The following CAB39 variants were observed in gnomAD, a reference collection of about 807,000 sequenced individuals.
CAB39 encodes the protein calcium-binding protein 39.
CAB39 carries 8 observed loss-of-function variants against 40.0 expected under a neutral mutation model. The ratio of observed to expected loss-of-function variants is 0.20; its 90% CI spans 0.12 to 0.36. The LOEUF (loss-of-function observed/expected upper bound fraction) is 0.36, where lower values mean the gene tolerates loss of function less well. CAB39 is among the 10% of genes least tolerant of loss of function. The pLI is 1.00. For missense variants in CAB39, 270 were observed against 401.1 expected (o/e 0.67, Z 2.79); for synonymous variants, 156 against 141.6 (o/e 1.10, Z -0.72).
intron 1 of CAB39, among the ~76,000 whole-genome samples, chr2:230,736,938 AG>A (rs1182653434): frequency 1.3e-4 from 20 of 152,144 alleles, no homozygotes; most frequent in Non-Finnish European, 1.3e-4. Context: ...AGTACCAGAG[AG>A]GTCCAAGGTT....
Position 230,814,178 on chromosome 2 carries a change from G to A in CAB39, c.693+64G>A, listed in dbSNP as rs533495467. 44 of 827,638 alleles carry A rather than the reference G, an allele frequency of 5.3e-5. No individual in the cohort carries two copies. In the African/African-American group the frequency reaches 7.6e-4, roughly 14 times the overall value. 51.3% of individuals were successfully genotyped at this position (827,638 alleles called of 1,614,324 possible). Reference sequence around the variant, plus strand: ...CTTGTGTTTGAAATGTGGATTTGGGGAAAGGGAGATGTGCAGGATGGGTCA... The same window carrying A: ...CTTGTGTTTGAAATGTGGATTTGGGAAAAGGGAGATGTGCAGGATGGGTCA... On this transcript the variant is annotated intron_variant, in intron 7 of 8. Transcript: ENST00000258418.
intron 3 of CAB39, among the ~76,000 whole-genome samples, chr2:230,791,471 C>G (rs1487239726): frequency 6.6e-6 from 1 of 152,182 alleles, no homozygotes; most frequent in Non-Finnish European, 1.5e-5. Context: ...CCTGTTAATT[C>G]ATTACAACCA....
chr2:230,798,679 T>C, intron 4 of CAB39, 50 bp from the exon 5 acceptor site: 2 of 1,520,252 alleles, frequency 1.3e-6, no homozygotes, highest in Non-Finnish European at 1.8e-6. Flanking sequence ...GTTGGAGTTT[T>C]GAAAAAGCAA....
At position 230,782,809 on chromosome 2, in the gene CAB39, C is replaced by CTTTTTTTTTTTTTTTTTTTTTTT. The variant is rs1408052300; in HGVS notation, c.115-8060_115-8059insTTTTTTTTTTTTTTTTTTTTTTT. 5.1e-4 allele frequency among the ~76,000 whole-genome samples: 57 copies of CTTTTTTTTTTTTTTTTTTTTTTT among 112,418 alleles called. 4 individuals carry two copies. The highest frequency in any genetic ancestry group is 1.7e-3 in the African/African-American group (35 of 21,042). 73.8% of individuals were successfully genotyped at this position (112,418 alleles called of 152,430 possible). A position where few individuals can be genotyped will look rare whatever the true frequency, so the allele number is the denominator to read the frequency against. ...CTGCTGTTTCTTTCTTTCTTTCTTT[C>CTTTTTTTTTTTTTTTTTTTTTTT]TTTCTTTTTTTTTTTTTTTTTTTGA... On this transcript the variant is annotated intron_variant, in intron 2 of 8. Coordinates refer to ENST00000258418, the MANE Select transcript of CAB39 (RefSeq NM_016289.4).
At chr2:230,791,076 G>C (rs1276528646) in intron 3 of CAB39, 40 bp downstream of exon 3, 2 of 1,411,282 alleles carry the variant, frequency 1.4e-6, no homozygotes, top group Non-Finnish European at 1.9e-6. Context: ...ACAGTACCCT[G>C]TGCATAATTC....
At chr2:230,748,411 A>G (rs1307231940) in intron 1 of CAB39, among the ~76,000 whole-genome samples, 1 of 152,278 alleles carries the variant, frequency 6.6e-6, no homozygotes, top group South Asian at 2.1e-4. Context: ...AGTGTTGTCC[A>G]TGTAGTTAGC....
chr2:230,813,976 G>GTC (rs1340459921), intron 6 of CAB39, 73 bp from the exon 7 acceptor site: 2 of 262,074 alleles, frequency 7.6e-6, no homozygotes, highest in Non-Finnish European at 1.2e-5. Flanking sequence ...TTACCTACCA[G>GTC]TCTTTTTTTT....
At chr2:230,759,875 G>C in intron 1 of CAB39, 84 bp from the exon 2 acceptor site, 1 of 543,246 alleles carries the variant, frequency 1.8e-6, no homozygotes, top group Non-Finnish European at 3.4e-6. Flanking sequence ...CTAAACACGG[G>C]TTTTCTTCCC....
intron 1 of CAB39, chr2:230,752,042 C>CCA (rs1553669860): frequency 9.9e-6 from 1 of 101,130 alleles, no homozygotes; most frequent in East Asian, 3.3e-4. Context: ...CCCCCCCCCC[C>CCA]CACATACACA....
At chr2:230,797,073 T>G (rs1400671499) in intron 4 of CAB39, among the ~76,000 whole-genome samples, 2 of 152,232 alleles carry the variant, frequency 1.3e-5, no homozygotes, top group Admixed American at 6.5e-5. Flanking sequence ...GATACACTTG[T>G]GTGTTGGGTA....
Position 230,786,088 on chromosome 2 carries a change from C to T in CAB39, c.115-4784C>T, listed in dbSNP as rs1411640432. Among the ~76,000 whole-genome samples, 10 of 145,188 alleles carry T rather than the reference C, an allele frequency of 6.9e-5. No homozygotes were observed. In the East Asian group the frequency reaches 1.3e-3, roughly 18 times the overall value. On this transcript the variant is annotated intron_variant, in intron 2 of 8. Transcript: ENST00000258418. The stretch of plus-strand genomic sequence containing the variant: ...CTGAGGCAGGAGAATGGCATGAACC[C>T]GGGAGGTGGAACTTGCAGTGAGCCA...
At chr2:230,757,718 A>T (rs893392779) in intron 1 of CAB39, among the ~76,000 whole-genome samples, 1 of 152,114 alleles carries the variant, frequency 6.6e-6, no homozygotes, top group African/African-American at 2.4e-5. Flanking sequence ...CACTGCTATT[A>T]TTTGCAGAGT....
intron 1 of CAB39, among the ~76,000 whole-genome samples, chr2:230,731,151 T>C (rs1022628797): frequency 6.6e-6 from 1 of 152,214 alleles, no homozygotes; most frequent in African/African-American, 2.4e-5. Flanking sequence ...GCTAAAACAC[T>C]GGCCAAGTGA....
At chr2:230,745,126 C>CA (rs1290758480) in intron 1 of CAB39, among the ~76,000 whole-genome samples, 1 of 152,182 alleles carries the variant, frequency 6.6e-6, no homozygotes, top group African/African-American at 2.4e-5. Flanking sequence ...ATTAAGTACT[C>CA]ATTGTTTAAT....
At chr2:230,767,507 A>G (rs1428118166) in intron 2 of CAB39, among the ~76,000 whole-genome samples, 1 of 152,226 alleles carries the variant, frequency 6.6e-6, no homozygotes, top group East Asian at 1.9e-4. Context: ...TCCTTAGAGT[A>G]AAAGTCAAAG....
intron 1 of CAB39, among the ~76,000 whole-genome samples, chr2:230,733,151 A>G (rs1694725223): frequency 6.6e-6 from 1 of 152,164 alleles, no homozygotes; most frequent in Non-Finnish European, 1.5e-5. Context: ...AGGGGTGGCC[A>G]AGTGTCCTGA....
intron 5 of CAB39, among the ~76,000 whole-genome samples, chr2:230,805,229 A>C (rs1033203296): frequency 1.9e-4 from 29 of 151,652 alleles, no homozygotes; most frequent in Admixed American, 3.9e-4. Flanking sequence ...GGCGGGGAAC[A>C]TCAAACACCG....
At chr2:230,771,165 G>C (rs991141758) in intron 2 of CAB39, among the ~76,000 whole-genome samples, 2 of 152,132 alleles carry the variant, frequency 1.3e-5, no homozygotes, top group Non-Finnish European at 2.9e-5. Flanking sequence ...ACAACTAGTA[G>C]ACTAGTAAAT....
chr2:230,751,880 G>C (rs1206513014), intron 1 of CAB39, among the ~76,000 whole-genome samples: 1 of 151,984 alleles, frequency 6.6e-6, no homozygotes, highest in African/African-American at 2.4e-5. Flanking sequence ...AGGCTTTTCA[G>C]GTGACTTTCA....
Sources: gnomAD v4.1 joint callset for allele counts (sites outside exome capture counted in the v4.1 genomes callset) on GRCh38, gnomAD v4.1.1 for gene constraint, MANE v1.5 for transcripts, NCBI Gene and HGNC (gene_info 2026-07-23, HGNC 2026-07-21) for gene names.